PHF20: variants seen among roughly 807,000 people sequenced by gnomAD.
The protein encoded by PHF20 is PHD finger protein 20, also known as glioma-expressed antigen 2.
A neutral mutation model predicts 113.5 loss-of-function variants in PHF20; 23 were observed. That is an observed-to-expected ratio of 0.20 (90% CI 0.15 to 0.29). PHF20 has a LOEUF of 0.29. Ranked by LOEUF, PHF20 falls within the 10% of genes least tolerant of loss-of-function variation. The pLI is 1.00. For synonymous variants in PHF20, 434 were observed against 457.3 expected (o/e 0.95, Z 0.65); for missense variants, 943 against 1,219.6 (o/e 0.77, Z 3.38).
rs112075229 is a variant in PHF20, at chr20:35,887,135, A to C, written c.1283-12235A>C. 5.7e-3 allele frequency among the ~76,000 whole-genome samples: 864 copies of C among 152,330 alleles called. 7 individuals carry two copies. Among genetic ancestry groups the C allele is most frequent in the African/African-American group, 0.019 (804 of 41,570 alleles). ...AGCCAAATTTCAGAAAACAATTTACAAACTTTTTTTAAAGTATAAACATAG... is the reference window on the plus strand; with the variant it reads ...AGCCAAATTTCAGAAAACAATTTACCAACTTTTTTTAAAGTATAAACATAG... On this transcript the variant is annotated intron_variant, in intron 9 of 17. Transcript: ENST00000374012.
At chr20:35,906,441 C>T (rs1416426627) in intron 10 of PHF20, among the ~76,000 whole-genome samples, 1 of 152,118 alleles carries the variant, frequency 6.6e-6, no homozygotes. Flanking sequence ...TGCTTTCTCC[C>T]CATTGTTCCA....
intron 4 of PHF20, chr20:35,850,634 C>CTGTTT (rs1467578205): frequency 1.5e-5 from 1 of 66,350 alleles, no homozygotes; most frequent in Non-Finnish European, 2.6e-5. Context: ...TCTCTATGAG[C>CTGTTT]TGTTTTTTAA....
chr20:35,942,925 G>A (rs943755743), intron 17 of PHF20, among the ~76,000 whole-genome samples: 10 of 152,022 alleles, frequency 6.6e-5, no homozygotes, highest in African/African-American at 1.9e-4. Context: ...CCGGGTTCAC[G>A]CCATTCTCCT....
intron 9 of PHF20, among the ~76,000 whole-genome samples, chr20:35,890,525 A>G (rs1007345984): frequency 6.6e-6 from 1 of 152,210 alleles, no homozygotes; most frequent in South Asian, 2.1e-4. Context: ...TGAGCAAACA[A>G]CTGTGAGGTC....
chr20:35,881,779 A>C (rs748241720), intron 9 of PHF20, among the ~76,000 whole-genome samples: 62 of 152,352 alleles, frequency 4.1e-4, no homozygotes, highest in Non-Finnish European at 7.1e-4. Context: ...GGATAATTCA[A>C]CTAACATTCT....
intron 9 of PHF20, among the ~76,000 whole-genome samples, chr20:35,894,125 A>G (rs1438161718): frequency 6.6e-6 from 1 of 152,344 alleles, no homozygotes; most frequent in South Asian, 2.1e-4. Context: ...TGAATTTCAC[A>G]CTTTCAGGAG....
chr20:35,806,683 C>T (rs1346605989), intron 2 of PHF20, among the ~76,000 whole-genome samples: 2 of 151,870 alleles, frequency 1.3e-5, no homozygotes, highest in African/African-American at 4.8e-5. Context: ...TTTATGTTTA[C>T]TCCTGTGCTT....
At chr20:35,892,963 G>C (rs961565670) in intron 9 of PHF20, among the ~76,000 whole-genome samples, 1 of 152,148 alleles carries the variant, frequency 6.6e-6, no homozygotes, top group African/African-American at 2.4e-5. Flanking sequence ...CTTTGTCTTA[G>C]TGTTGCCAAA....
chr20:35,808,731 C>T (rs374666849), intron 2 of PHF20, among the ~76,000 whole-genome samples: 4 of 151,818 alleles, frequency 2.6e-5, no homozygotes, highest in African/African-American at 7.2e-5. Context: ...CGCCACCACG[C>T]CTGGCTAATT....
At chr20:35,930,893 TAG>T (rs1319522360) in intron 14 of PHF20, among the ~76,000 whole-genome samples, 2 of 152,180 alleles carry the variant, frequency 1.3e-5, no homozygotes, top group East Asian at 3.9e-4. Flanking sequence ...AAGCCAGAGT[TAG>T]AGAGTTGGGG....
intron 9 of PHF20, among the ~76,000 whole-genome samples, chr20:35,894,103 T>G (rs1460510115): frequency 6.6e-6 from 1 of 152,188 alleles, no homozygotes; most frequent in Non-Finnish European, 1.5e-5. Context: ...CTAGGAACCT[T>G]GTGGTTGGTT....
At chr20:35,905,500 A>G (rs1176742206) in intron 10 of PHF20, among the ~76,000 whole-genome samples, 3 of 152,118 alleles carry the variant, frequency 2.0e-5, no homozygotes, top group Non-Finnish European at 2.9e-5. Context: ...AGCTCCCCCT[A>G]TCCCCCCATG....
At chr20:35,926,221 C>G (rs1459464649) in intron 13 of PHF20, among the ~76,000 whole-genome samples, 1 of 140,118 alleles carries the variant, frequency 7.1e-6, no homozygotes, top group African/African-American at 2.6e-5. Flanking sequence ...ATTGGTGAGA[C>G]AGACTTTCAT....
intron 1 of PHF20, among the ~76,000 whole-genome samples, chr20:35,788,318 G>A (rs770064136): frequency 6.6e-5 from 10 of 150,794 alleles, no homozygotes; most frequent in Non-Finnish European, 1.3e-4. Flanking sequence ...GGATGGTCTC[G>A]ATCTCCTAAC....
Position 35,863,411 on chromosome 20 carries a change from TAAGTGGGCTCTGCAATG to T in PHF20, c.808+12_808+28del. ...CCATAGCTCCTACTGGTGAGTTTTT[TAAGTGGGCTCTGCAATG>T]GGCAATGCCAGAGTATTCTTCTGTG... is the stretch of plus-strand genomic sequence containing the variant. On this transcript the variant is annotated intron_variant, in intron 6 of 17. Coordinates refer to ENST00000374012, the MANE Select transcript of PHF20 (RefSeq NM_016436.5). 6.3e-7 allele frequency: 1 copy of T among 1,576,458 alleles called. No homozygotes were observed. The highest frequency in any genetic ancestry group is 8.6e-7 in the Non-Finnish European group (1 of 1,166,494).
chr20:35,939,258 T>C (rs2055931508), intron 16 of PHF20, 150 bp downstream of exon 16: 3 of 941,196 alleles, frequency 3.2e-6, no homozygotes, highest in Non-Finnish European at 4.5e-6. Context: ...CCAAAATGGG[T>C]GCAAAGTCAG....
At chr20:35,800,137 G>T (rs2041750305) in intron 1 of PHF20, 1 of 152,070 alleles carries the variant, frequency 6.6e-6, no homozygotes, top group African/African-American at 2.4e-5. Context: ...GATTCAAATT[G>T]TGACTTCAGA....
At chr20:35,889,750 CAG>C (rs2054813410) in intron 9 of PHF20, among the ~76,000 whole-genome samples, 2 of 151,958 alleles carry the variant, frequency 1.3e-5, no homozygotes, top group Middle Eastern at 3.4e-3. Context: ...ATTTTTGAGA[CAG>C]GGTCTCACTC....
intron 15 of PHF20, among the ~76,000 whole-genome samples, chr20:35,934,760 G>T (rs1210329034): frequency 1.3e-5 from 2 of 152,254 alleles, no homozygotes; most frequent in Non-Finnish European, 2.9e-5. Flanking sequence ...AGGAGGAGAG[G>T]TTGGATGCTG....
Sources: gnomAD v4.1 joint callset for allele counts (sites outside exome capture counted in the v4.1 genomes callset) on GRCh38, gnomAD v4.1.1 for gene constraint, MANE v1.5 for transcripts, NCBI Gene and HGNC (gene_info 2026-07-23, HGNC 2026-07-21) for gene names.